Variants in ZNF263 observed in about 807,000 individuals in gnomAD.
The protein encoded by ZNF263 is zinc finger protein FPM315.
In ZNF263, 49 loss-of-function variants were observed where a neutral mutation model predicts 63.1. The observed-to-expected ratio is 0.78, with a 90% confidence interval of 0.62 to 0.99. The LOEUF is 0.99. ZNF263 is among the 50% of genes least tolerant of loss of function. The pLI is 0.00. For missense variants in ZNF263, 872 were observed against 854.8 expected (o/e 1.02, Z -0.25); for synonymous variants, 352 against 324.2 (o/e 1.09, Z -0.92).
chr16:3,300,546 T>C (rs1480761049), intron 2 of ZNF263: 1 of 1,613,166 alleles, frequency 6.2e-7, no homozygotes, highest in African/African-American at 1.3e-5. Flanking sequence ...ATCGTCCAGC[T>C]TCAATTCTAC....
chr16:3,298,139 A>G (rs1209711795), intron 1 of ZNF263, among the ~76,000 whole-genome samples: 3 of 152,244 alleles, frequency 2.0e-5, no homozygotes, highest in Non-Finnish European at 4.4e-5. Context: ...AGAGATTTTA[A>G]TGACCTAAGG....
chr16:3,295,220 G>A (rs1370368688), downstream of ZNF263, among the ~76,000 whole-genome samples: 1 of 152,152 alleles, frequency 6.6e-6, no homozygotes, highest in African/African-American at 2.4e-5. Context: ...GGGCCTCGGG[G>A]CTGCCGCTCC....
chr16:3,300,549 A>C (rs1959910665), intron 2 of ZNF263: 1 of 1,612,538 alleles, frequency 6.2e-7, no homozygotes, highest in Non-Finnish European at 8.5e-7. Context: ...GTCCAGCTTC[A>C]ATTCTACTTA....
In ZNF263 at chr16:3,289,780, A is replaced by G; in HGVS notation, c.1274A>G (p.His425Arg). 1 of 1,614,236 alleles carries G rather than the reference A, an allele frequency of 6.2e-7. No individual in the cohort carries two copies. The highest frequency in any genetic ancestry group is 8.5e-7 in the Non-Finnish European group (1 of 1,180,040). The change falls in exon 6 of 6, where the codon CAC becomes CGC. Residue 425 changes from histidine (H) to arginine (R), a missense_variant. Transcript: ENST00000219069. ...GGGAACCCACGTTTCCTGTCACTAC[A>G]CAGAGCACACCTGGGAGAGGAGGCC... ...FGGNPRFLSLHRAHLGEEAHK... is the reference protein window; with the variant it reads ...FGGNPRFLSLRRAHLGEEAHK...
chr16:3,286,758 A>G (rs1259026768), intron 4 of ZNF263: 1 of 152,250 alleles, frequency 6.6e-6, no homozygotes, highest in Non-Finnish European at 1.5e-5. Context: ...TGCCTACGGA[A>G]TATGACAGAC....
At chr16:3,285,658 A>G (rs1242195093) in intron 2 of ZNF263, 23 bp from the exon 3 acceptor site, 5 of 1,612,150 alleles carry the variant, frequency 3.1e-6, no homozygotes, top group Non-Finnish European at 4.2e-6. Context: ...TGCCATTCTC[A>G]TTATAATTTC....
chr16:3,286,303 G>C, intron 4 of ZNF263, 154 bp downstream of exon 4: 1 of 1,145,552 alleles, frequency 8.7e-7, no homozygotes, highest in Non-Finnish European at 1.2e-6. Context: ...CGAGAGTCAT[G>C]TATCTGCCAA....
chr16:3,294,705 C>A (rs1054877152), downstream of ZNF263, among the ~76,000 whole-genome samples: 9 of 152,186 alleles, frequency 5.9e-5, no homozygotes, highest in African/African-American at 2.2e-4. Flanking sequence ...AAAAATGACT[C>A]AGATCACAAA....
At chr16:3,289,306 G>C (rs1305888945) in intron 5 of ZNF263, 87 bp from the exon 6 acceptor site, 15 of 1,430,710 alleles carry the variant, frequency 1.0e-5, no homozygotes, top group African/African-American at 2.9e-5. Context: ...CTGGGCTGCT[G>C]ACCTAACAGG....
rs368117888 is a variant in ZNF263, at chr16:3,289,937, C to A, written c.1431C>A (p.Leu477=). The A allele has an allele frequency of 1.2e-5, 19 of 1,614,152 alleles. No individual in the cohort carries two copies. The highest frequency in any genetic ancestry group is 1.5e-5 in the Non-Finnish European group (18 of 1,180,036). The change falls in exon 6 of 6, where the codon CTC becomes CTA. Residue 477 remains leucine, a synonymous_variant. Transcript: ENST00000219069. ...AATGTTTCTCCTGCAACTCCAACCT[C>A]CACAGGCACCAGAGAACGCACACTG... is the stretch of plus-strand genomic sequence containing the variant. ...CGKCFSCNSN[L]HRHQRTHTGE...
At chr16:3,285,938 C>T (rs1959337273) in intron 3 of ZNF263, 85 bp from the exon 4 acceptor site, 1 of 1,607,786 alleles carries the variant, frequency 6.2e-7, no homozygotes, top group African/African-American at 1.3e-5. Context: ...GCTTGGCATC[C>T]CTGGATTTTG....
At chr16:3,286,308 T>C in intron 4 of ZNF263, 159 bp downstream of exon 4, 1 of 1,092,362 alleles carries the variant, frequency 9.2e-7, no homozygotes, top group Admixed American at 3.5e-5. Context: ...GTCATGTATC[T>C]GCCAAGTGGT....
In ZNF263 at chr16:3,285,918, C is replaced by A. The variant is rs1031131514; in HGVS notation, c.643-105C>A. On this transcript the variant is annotated intron_variant, in intron 3 of 5. Transcript: ENST00000219069. ...TGGAGGCCTGATACCCTTCTTCCCCCCTGACATGTGCTTGGCATCCCTGGA... is the reference window on the plus strand; with the variant it reads ...TGGAGGCCTGATACCCTTCTTCCCCACTGACATGTGCTTGGCATCCCTGGA... The A allele has an allele frequency of 2.5e-6, 4 of 1,591,630 alleles. No homozygotes were observed. In the African/African-American group the frequency reaches 4.0e-5, roughly 16 times the overall value.
chr16:3,299,804 C>T (rs767992847), intron 2 of ZNF263: 1 of 1,584,536 alleles, frequency 6.3e-7, no homozygotes, highest in Admixed American at 1.9e-5. Flanking sequence ...ACCTCAGGAA[C>T]AAAGTTTTGA....
At chr16:3,284,492 TTA>T (rs1267050327) in intron 1 of ZNF263, among the ~76,000 whole-genome samples, 1 of 152,240 alleles carries the variant, frequency 6.6e-6, no homozygotes, top group East Asian at 1.9e-4. Context: ...ACTAGCTTTG[TTA>T]CTTTGGCAAG....
intron 2 of ZNF263, chr16:3,299,720 G>C (rs752492090): frequency 6.5e-7 from 1 of 1,535,602 alleles, no homozygotes; most frequent in Non-Finnish European, 8.7e-7. Flanking sequence ...GGATGAGCCG[G>C]GCAACTGTCC....
intron 1 of ZNF263, among the ~76,000 whole-genome samples, chr16:3,298,602 T>C (rs1416021918): frequency 6.6e-6 from 1 of 152,212 alleles, no homozygotes; most frequent in Non-Finnish European, 1.5e-5. Flanking sequence ...AAGCAGAGTG[T>C]GTTTTACCAT....
chr16:3,292,781 C>T (rs1438080750), downstream of ZNF263: 1 of 152,240 alleles, frequency 6.6e-6, no homozygotes, highest in Admixed American at 6.5e-5. Context: ...TGGAACGCTT[C>T]ACTCAAATCT....
intron 1 of ZNF263, among the ~76,000 whole-genome samples, chr16:3,297,292 T>G (rs1203700775): frequency 9.8e-6 from 1 of 102,428 alleles, no homozygotes; most frequent in Admixed American, 1.0e-4. Flanking sequence ...AGACTCCATC[T>G]CAAAAAAAAA....
Sources: allele counts gnomAD v4.1 joint callset (sites outside exome capture counted in the v4.1 genomes callset), GRCh38; gene constraint gnomAD v4.1.1; transcripts MANE v1.5; gene names NCBI Gene and HGNC (gene_info 2026-07-23, HGNC 2026-07-21).